PTPRB: variants seen among roughly 807,000 people sequenced by gnomAD.
The protein encoded by PTPRB is receptor-type tyrosine-protein phosphatase beta.
In PTPRB, 97 loss-of-function variants were observed where a neutral mutation model predicts 238.1. The observed-to-expected ratio is 0.41, with a 90% CI of 0.35 to 0.48. The LOEUF (loss-of-function observed/expected upper bound fraction) is 0.48, where lower values mean the gene tolerates loss of function less well. Ranked by LOEUF, PTPRB falls within the 20% of genes least tolerant of loss-of-function variation. PTPRB has a pLI of 0.30. For synonymous variants in PTPRB, 970 were observed against 995.4 expected, an observed-to-expected ratio of 0.97 and a Z score of 0.48; for missense variants, 2,292 against 2,681.9, an observed-to-expected ratio of 0.85 and a Z score of 3.21.
chr12:70,571,379 C>T, intron 12 of PTPRB, 90 bp from the exon 13 acceptor site: 1 of 1,262,996 alleles, frequency 7.9e-7, no homozygotes, highest in Non-Finnish European at 1.1e-6. Flanking sequence ...AAGGAACTGG[C>T]AACATCTCCC....
At chr12:70,530,626 G>A (rs1873097269) in intron 32 of PTPRB, among the ~76,000 whole-genome samples, 1 of 152,164 alleles carries the variant, frequency 6.6e-6, no homozygotes, top group African/African-American at 2.4e-5. Flanking sequence ...TGGGGTAGGG[G>A]AACATTAAAT....
intron 2 of PTPRB, among the ~76,000 whole-genome samples, chr12:70,628,868 T>A (rs2136600558): frequency 6.6e-6 from 1 of 152,268 alleles, no homozygotes; most frequent in East Asian, 1.9e-4. Context: ...CCTGGTCAAC[T>A]GTAACATTTG....
At position 70,576,513 on chromosome 12, in the gene PTPRB, T is replaced by C. The variant is rs80210207; in HGVS notation, c.2711A>G (p.Gln904Arg). The C allele has an allele frequency of 6.2e-3, 9,772 of 1,571,908 alleles. 332 individuals are homozygous for C. In the East Asian group the frequency reaches 0.088, roughly 14 times the overall value. ...GACAGACTTGGCAATGACAAGGGAC[T>C]GAACCACCTTGCCGTCATGAGACAA... is the stretch of plus-strand genomic sequence containing the variant. ...VTLSHDGKVV[Q>R]SLVIAKSVRE... Residue 904 changes from glutamine to arginine, a missense_variant, in exon 11 of 34, where the codon CAG (glutamine) becomes CGG (arginine). This residue lies in a region of PTPRB where 1,205 missense variants were observed against 1,287.8 expected (regional missense o/e 0.94). Coordinates refer to ENST00000334414, the MANE Select transcript of PTPRB (RefSeq NM_001109754.4).
intron 31 of PTPRB, among the ~76,000 whole-genome samples, chr12:70,532,950 A>AATT (rs961020095): frequency 2.0e-5 from 3 of 151,938 alleles, no homozygotes; most frequent in Admixed American, 1.3e-4. Flanking sequence ...CAGCTGATCT[A>AATT]ATTTCTTTTA....
intron 2 of PTPRB, among the ~76,000 whole-genome samples, chr12:70,626,360 TATC>T (rs1566023304): frequency 6.3e-5 from 9 of 142,892 alleles, no homozygotes; most frequent in Non-Finnish European, 1.2e-4. Flanking sequence ...TCTATCTATC[TATC>T]TATATTCCTG....
intron 13 of PTPRB, 39 bp downstream of exon 13, chr12:70,570,987 C>T (rs751120067): frequency 1.2e-6 from 2 of 1,602,254 alleles, no homozygotes; most frequent in East Asian, 4.5e-5. Flanking sequence ...AAATGCACCA[C>T]TGCATCTATT....
Position 70,540,977 on chromosome 12 carries a change from A to C in PTPRB, c.5495-20T>G. The C allele has an allele frequency of 6.3e-7, 1 of 1,576,452 alleles. No individual in the cohort carries two copies. Among genetic ancestry groups the C allele is most frequent in the Admixed American group, 1.8e-5 (1 of 54,580 alleles). On this transcript the variant is annotated intron_variant, in intron 22 of 33. Coordinates refer to ENST00000334414, the MANE Select transcript of PTPRB (RefSeq NM_001109754.4). ...AGGGCTCTACAATAATCCAGATAGAAACAACAAACGCAGGTGGGAAAATTA... is the reference window on the plus strand; with the variant it reads ...AGGGCTCTACAATAATCCAGATAGACACAACAAACGCAGGTGGGAAAATTA...
intron 9 of PTPRB, among the ~76,000 whole-genome samples, chr12:70,582,103 C>T (rs1881458234): frequency 2.6e-5 from 4 of 151,982 alleles, no homozygotes; most frequent in Admixed American, 2.6e-4. Context: ...TTATTTCTTC[C>T]AACTTATCAT....
At position 70,551,993 on chromosome 12, in the gene PTPRB, T is replaced by A. The variant is rs111941369; in HGVS notation, c.5387+784A>T. ...TCCCATTCATTCAGGGGTCTTTGCC[T>A]TCCAGAGTTCTGTCTGGAGCAAAGA... On this transcript the variant is annotated intron_variant, in intron 21 of 33. Coordinates refer to ENST00000334414, the MANE Select transcript of PTPRB (RefSeq NM_001109754.4). Among the ~76,000 whole-genome samples the A allele has an allele frequency of 3.5e-3, 538 of 152,282 alleles. 2 individuals carry two copies. The highest frequency in any genetic ancestry group is 0.013 in the African/African-American group (520 of 41,560).
chr12:70,619,587 C>T (rs961154130), intron 3 of PTPRB, among the ~76,000 whole-genome samples: 1 of 152,088 alleles, frequency 6.6e-6, no homozygotes. Context: ...CTGCCCTAAC[C>T]CATCATGAAA....
intron 32 of PTPRB, among the ~76,000 whole-genome samples, chr12:70,525,762 T>C (rs1196843539): frequency 6.6e-6 from 1 of 152,190 alleles, no homozygotes; most frequent in Non-Finnish European, 1.5e-5. Context: ...GCTGAGCAAC[T>C]GCTCAGAGGG....
Position 70,624,430 on chromosome 12 carries a change from G to A in PTPRB, c.452-1784C>T, listed in dbSNP as rs183704117. On this transcript the variant is annotated intron_variant, in intron 2 of 33. Coordinates refer to ENST00000334414, the MANE Select transcript of PTPRB (RefSeq NM_001109754.4). The stretch of plus-strand genomic sequence containing the variant: ...CCTGTGCCGCTATTACTGCCTTTGT[G>A]CCCAGGTTAGCCACTCCGGACATAG... Among the ~76,000 whole-genome samples, 16 of 152,070 alleles carry A rather than the reference G, an allele frequency of 1.1e-4. No homozygotes were observed. In the East Asian group the frequency reaches 3.1e-3, roughly 29 times the overall value.
At chr12:70,539,763 A>G (rs772236552) in intron 25 of PTPRB, 57 bp from the exon 26 acceptor site, 10 of 1,593,204 alleles carry the variant, frequency 6.3e-6, no homozygotes, top group Middle Eastern at 1.7e-4. Flanking sequence ...GGAAAGTGCC[A>G]TAACTATTCT....
At chr12:70,550,062 G>A (rs552564166) in intron 21 of PTPRB, among the ~76,000 whole-genome samples, 64 of 152,292 alleles carry the variant, frequency 4.2e-4, no homozygotes, top group African/African-American at 1.4e-3. Flanking sequence ...CAGGTAATTC[G>A]ATAAAGGGTT....
chr12:70,577,431 A>G (rs956348451), intron 10 of PTPRB, among the ~76,000 whole-genome samples: 6 of 152,228 alleles, frequency 3.9e-5, no homozygotes, highest in Non-Finnish European at 7.3e-5. Context: ...AATGTCTTCA[A>G]GAAGTTCTCT....
intron 13 of PTPRB, among the ~76,000 whole-genome samples, chr12:70,570,332 G>C (rs1380976314): frequency 6.6e-6 from 1 of 151,978 alleles, no homozygotes; most frequent in Non-Finnish European, 1.5e-5. Context: ...TGTGAAGATT[G>C]ATTCTTTTTT....
chr12:70,588,226 C>T (rs879697944), intron 8 of PTPRB, among the ~76,000 whole-genome samples: 18 of 152,066 alleles, frequency 1.2e-4, no homozygotes, highest in Non-Finnish European at 2.6e-4. Context: ...TAAATCCATT[C>T]TAATTGAGTC....
At chr12:70,554,822 G>A (rs1369514543) in intron 20 of PTPRB, among the ~76,000 whole-genome samples, 1 of 152,052 alleles carries the variant, frequency 6.6e-6, no homozygotes, top group Admixed American at 6.6e-5. Context: ...ATAATGAAGA[G>A]GACTGAATAA....
rs1394262185 is a variant in PTPRB, at chr12:70,589,229, G to C, written c.2050+735C>G. 2.0e-5 allele frequency among the ~76,000 whole-genome samples: 3 copies of C among 152,168 alleles called. No individual in the cohort carries two copies. In the East Asian group the frequency reaches 5.8e-4, roughly 29 times the overall value. ...CATTGGCAAGCTAAGTGGGTGTCAT[G>C]ATCCTTTTCTTTGACATTGTTCTAA... On this transcript the variant is annotated intron_variant, in intron 8 of 33. Coordinates refer to ENST00000334414, the MANE Select transcript of PTPRB (RefSeq NM_001109754.4).
Sources: gnomAD v4.1 joint callset for allele counts (sites outside exome capture counted in the v4.1 genomes callset) on GRCh38, gnomAD v4.1.1 for gene constraint, gnomAD v4.1.1 regional missense constraint, MANE v1.5 for transcripts, NCBI Gene and HGNC (gene_info 2026-07-23, HGNC 2026-07-21) for gene names.